CLSPN: variants seen among roughly 807,000 people sequenced by gnomAD.
CLSPN encodes claspin homolog.
In CLSPN, 85 loss-of-function variants were observed where a neutral mutation model predicts 156.3. The observed-to-expected ratio is 0.54, with a 90% CI of 0.46 to 0.65. CLSPN has a LOEUF of 0.65. Among genes scored for constraint, CLSPN ranks in the 30% least tolerant of loss-of-function variants. The pLI, the probability that CLSPN is intolerant of heterozygous loss-of-function variation, is 0.00. For synonymous variants in CLSPN, 534 were observed against 542.4 expected (o/e 0.98, Z 0.22); for missense variants, 1,407 against 1,554.9 (o/e 0.90, Z 1.60).
rs1207212885 is a variant in CLSPN at position 35,762,408 on chromosome 1, C to T, written c.818G>A (p.Arg273Lys). The T allele has an allele frequency of 2.5e-6, 4 of 1,613,190 alleles. No individual in the cohort carries two copies. The highest frequency in any genetic ancestry group is 3.3e-5 in the Admixed American group (2 of 59,990). Residue 273 changes from arginine to lysine, a missense_variant, in exon 5 of 25, where the codon AGG becomes AAG. Arg to Lys is a conservative substitution (Grantham distance 26). Around this residue, in one of 3 missense-constraint regions of CLSPN, gnomAD observed 1,096 missense variants for 1,193.0 expected, o/e 0.92. Coordinates refer to ENST00000318121, the MANE Select transcript of CLSPN (RefSeq NM_022111.4). The part of the protein sequence containing the change: ...EGSELSKGTT[R>K]KERKAARLSK... ...ATATACAGGGCTCTACCTCACCTTCCTCGTGGTTCCTTTTGATAACTCACT... is the reference window on the plus strand; with the variant it reads ...ATATACAGGGCTCTACCTCACCTTCTTCGTGGTTCCTTTTGATAACTCACT...
At chr1:35,768,476 T>C (rs1642748283) in intron 1 of CLSPN, among the ~76,000 whole-genome samples, 1 of 151,956 alleles carries the variant, frequency 6.6e-6, no homozygotes, top group African/African-American at 2.4e-5. Context: ...GGCAGGATCA[T>C]GGCTCACTGC....
exon 25 of CLSPN, chr1:35,720,964 T>A: frequency 6.2e-7 from 1 of 1,610,374 alleles, no homozygotes; most frequent in Non-Finnish European, 8.5e-7. Context: ...CCAGTCAGAG[T>A]CCTTCTCTGG....
In CLSPN at chr1:35,736,955, G is replaced by C; in HGVS notation, c.3868C>G (p.Pro1290Ala). 1.2e-6 allele frequency: 2 copies of C among 1,614,158 alleles called. No individual in the cohort carries two copies. The highest frequency in any genetic ancestry group is 1.1e-5 in the South Asian group (1 of 91,070). Residue 1290 changes from proline to alanine, a missense_variant, in exon 24 of 25, where the codon CCT becomes GCT. Transcript: ENST00000318121. ...TCCTTTGCCGCCTCAGCCTTGACAG[G>C]AGAAAGTGTATGAAAGACAAAGTTT... ...SRNFVFHTLS[P>A]VKAEAAKESS...
rs370462989 is a variant in CLSPN, at chr1:35,733,779, A to T, written c.*2717T>A. Reference sequence around the variant, plus strand: ...GATTACTTGAGGCCAGGAGTTCAAGATCAGCTGGGGCAACACAGCAAGACC... The same window carrying T: ...GATTACTTGAGGCCAGGAGTTCAAGTTCAGCTGGGGCAACACAGCAAGACC... On this transcript the variant is annotated 3_prime_UTR_variant, in exon 25 of 25. Coordinates refer to ENST00000318121, the MANE Select transcript of CLSPN (RefSeq NM_022111.4). 2.1e-5 allele frequency: 16 copies of T among 774,832 alleles called. No homozygotes were observed. In the African/African-American group the frequency reaches 3.0e-4, roughly 15 times the overall value. 48.0% of individuals were successfully genotyped at this position (774,832 alleles called of 1,614,324 possible). A position where few individuals can be genotyped will look rare whatever the true frequency, so the allele number is the denominator to read the frequency against.
downstream of CLSPN, among the ~76,000 whole-genome samples, chr1:35,731,199 C>CAAA (rs78926364): frequency 0.033 from 2,638 of 80,430 alleles, 99 homozygotes; most frequent in African/African-American, 0.11. Context: ...GACTCTGTCT[C>CAAA]AAAAAAAAAA....
At chr1:35,725,576 G>A (rs1490361278) in intron 24 of CLSPN, among the ~76,000 whole-genome samples, 1 of 150,284 alleles carries the variant, frequency 6.7e-6, no homozygotes, top group Non-Finnish European at 1.5e-5. Flanking sequence ...TTCATCAGTA[G>A]GAGGGCACTG....
At chr1:35,725,872 G>T (rs1641174030) in intron 24 of CLSPN, among the ~76,000 whole-genome samples, 1 of 152,016 alleles carries the variant, frequency 6.6e-6, no homozygotes, top group Non-Finnish European at 1.5e-5. Flanking sequence ...GCACAGAGAA[G>T]ACAGGCTGGG....
In CLSPN at chr1:35,738,373, A is replaced by G. The variant is rs1370707344; in HGVS notation, c.3558+82T>C. 3.5e-6 allele frequency: 5 copies of G among 1,436,584 alleles called. No individual in the cohort carries two copies. In the African/African-American group the frequency reaches 7.1e-5, roughly 20 times the overall value. The allele number at this position is 1,436,584 out of a possible 1,614,324, so 89.0% of individuals were successfully genotyped here. On this transcript the variant is annotated intron_variant, in intron 21 of 24. Transcript: ENST00000318121. ...TGTTGCCTAAGATTTTGAAACTATC[A>G]TGACAAGCTAAGATTTTGAAACTAT...
At chr1:35,762,829 CT>C (rs1642528907) in intron 4 of CLSPN, among the ~76,000 whole-genome samples, 1 of 152,218 alleles carries the variant, frequency 6.6e-6, no homozygotes, top group East Asian at 1.9e-4. Flanking sequence ...TCCTGAAACC[CT>C]ATAGGGTTCA....
chr1:35,733,767 C>T lies in CLSPN; in HGVS notation c.*2729G>A, dbSNP rs529255860. 1.2e-6 allele frequency: 1 copy of T among 862,388 alleles called. No individual in the cohort carries two copies. Among genetic ancestry groups the T allele is most frequent in the African/African-American group, 1.8e-5 (1 of 54,706 alleles). 53.4% of individuals were successfully genotyped at this position (862,388 alleles called of 1,614,324 possible). On this transcript the variant is annotated 3_prime_UTR_variant, in exon 25 of 25. Transcript: ENST00000318121. ...CCAAGGTGGGAGGATTACTTGAGGCCAGGAGTTCAAGATCAGCTGGGGCAA... is the reference window on the plus strand; with the variant it reads ...CCAAGGTGGGAGGATTACTTGAGGCTAGGAGTTCAAGATCAGCTGGGGCAA...
chr1:35,748,082 A>C lies in CLSPN; in HGVS notation c.2473-21T>G, dbSNP rs144313272. The C allele has an allele frequency of 3.1e-5, 50 of 1,589,238 alleles. No homozygotes were observed. In the African/African-American group the frequency reaches 6.5e-4, roughly 21 times the overall value. The stretch of plus-strand genomic sequence containing the variant: ...GAACTCTGGCACACAAACAAAAACA[A>C]ACAATAACAAAACATTTTACAAATG... On this transcript the variant is annotated intron_variant, in intron 13 of 24. Transcript: ENST00000318121.
chr1:35,753,523 T>C (rs1360784526), intron 9 of CLSPN, among the ~76,000 whole-genome samples: 3 of 147,750 alleles, frequency 2.0e-5, no homozygotes, highest in Non-Finnish European at 3.0e-5. Flanking sequence ...TATAATGGGG[T>C]TTTTTATAAT....
intron 1 of CLSPN, among the ~76,000 whole-genome samples, chr1:35,767,182 T>C (rs1642707959): frequency 6.6e-6 from 1 of 152,060 alleles, no homozygotes; most frequent in Admixed American, 6.6e-5. Context: ...TTCAAAAAAC[T>C]AAAAATGTAA....
chr1:35,743,650 G>GTCTTGGTCTCTT, intron 16 of CLSPN, 120 bp from the exon 17 acceptor site: 1 of 693,708 alleles, frequency 1.4e-6, no homozygotes, highest in South Asian at 1.8e-5. Context: ...CTCTGAGACA[G>GTCTTGGTCTCTT]TCTTGGTCTC....
intron 14 of CLSPN, among the ~76,000 whole-genome samples, chr1:35,747,418 C>CA (rs1641929985): frequency 1.3e-5 from 2 of 152,116 alleles, no homozygotes; most frequent in South Asian, 4.1e-4. Context: ...AGCTGAATCT[C>CA]AAACCAGAAA....
Position 35,765,305 on chromosome 1 carries a change from G to T in CLSPN, c.46C>A (p.Pro16Thr), listed in dbSNP as rs941745045. The T allele has an allele frequency of 3.1e-6, 5 of 1,612,734 alleles. No homozygotes were observed. Among genetic ancestry groups the T allele is most frequent in the Non-Finnish European group, 4.2e-6 (5 of 1,179,178 alleles). ...GCTTCCTCTTGTGAAATGACGTTTGGGTCATTGATTTCTAGGTGAACCTAG... is the reference window on the plus strand; with the variant it reads ...GCTTCCTCTTGTGAAATGACGTTTGTGTCATTGATTTCTAGGTGAACCTAG... ...GSEVHLEIND[P>T]NVISQEEADS... Residue 16 changes from proline (P) to threonine (T), a missense_variant, in exon 2 of 25, where the codon CCA (proline) becomes ACA (threonine). By Grantham distance (38) the Pro-to-Thr change is conservative (BLOSUM62 -1). Around this residue, in one of 3 missense-constraint regions of CLSPN, gnomAD observed 1,096 missense variants for 1,193.0 expected, o/e 0.92. Transcript: ENST00000318121.
rs1330153656 is a variant in CLSPN, at chr1:35,735,665, G to A, written c.*831C>T. The A allele has an allele frequency of 5.4e-5, 50 of 929,970 alleles. No homozygotes were observed. In the East Asian group the frequency reaches 5.9e-4, roughly 11 times the overall value. The allele number at this position is 929,970 out of a possible 1,614,324, so 57.6% of individuals were successfully genotyped here. On this transcript the variant is annotated 3_prime_UTR_variant, in exon 25 of 25. Transcript: ENST00000318121. ...AGAGGTTGCCGTGAGCCGAGATTGC[G>A]CCACTGCACTCCAGACTGGGCAACA...
chr1:35,746,799 G>T lies in CLSPN; in HGVS notation c.2821C>A (p.Leu941Met). Residue 941 changes from leucine to methionine, a missense_variant, in exon 15 of 25, where the codon CTG (leucine) becomes ATG (methionine). Coordinates refer to ENST00000318121, the MANE Select transcript of CLSPN (RefSeq NM_022111.4). This position sits in a 1 kb window ranked among gnomAD's most constrained non-coding sequence, Gnocchi z 4.2. ...SDKKENMEEL[L>M]NLCSGKFTSQ... is the part of the protein sequence containing the mutation. ...GTGAATTTTCCTGAACAAAGGTTCA[G>T]AAGTTCCTCCATGTTCTCTTTCTTG... 6.2e-7 allele frequency: 1 copy of T among 1,613,814 alleles called. No individual in the cohort carries two copies. Among genetic ancestry groups the T allele is most frequent in the Non-Finnish European group, 8.5e-7 (1 of 1,179,726 alleles).
At position 35,769,946 on chromosome 1, in the gene CLSPN, C is replaced by T. The variant is rs1207250971; in HGVS notation, c.-76G>A. Reference sequence around the variant, plus strand: ...CTCAGCCGGAGAGCAGCGGCTCCCGCCGTCTCCAGCCCAGCAGTGCTGTTC... The same window carrying T: ...CTCAGCCGGAGAGCAGCGGCTCCCGTCGTCTCCAGCCCAGCAGTGCTGTTC... On this transcript the variant is annotated 5_prime_UTR_variant, in exon 1 of 25. Transcript: ENST00000318121. 2 of 1,556,384 alleles carry T rather than the reference C, an allele frequency of 1.3e-6. No individual in the cohort carries two copies. The highest frequency in any genetic ancestry group is 1.4e-5 in the African/African-American group (1 of 73,324).
Sources: gnomAD v4.1 joint callset for allele counts (sites outside exome capture counted in the v4.1 genomes callset) on GRCh38, gnomAD v4.1.1 for gene constraint, gnomAD v4.1.1 regional missense constraint, Gnocchi (gnomAD v3.1) non-coding constraint, MANE v1.5 for transcripts, NCBI Gene and HGNC (gene_info 2026-07-23, HGNC 2026-07-21) for gene names.